B3GALT1: variants seen among roughly 807,000 people sequenced by gnomAD.
B3GALT1 encodes UDP-Gal:betaGlcNAc beta 1,3-galactosyltransferase, polypeptide 1.
A neutral mutation model predicts 23.2 loss-of-function variants in B3GALT1; 10 were observed. The ratio of observed to expected loss-of-function variants is 0.43; its 90% CI spans 0.27 to 0.73. The LOEUF (loss-of-function observed/expected upper bound fraction) is 0.73. B3GALT1 is among the 30% of genes least tolerant of loss of function. B3GALT1 has a pLI of 0.21. For missense variants in B3GALT1, 299 were observed against 405.4 expected, an observed-to-expected ratio of 0.74 and a Z score of 2.25; for synonymous variants, 156 against 141.5, an observed-to-expected ratio of 1.10 and a Z score of -0.73.
intron 2 of B3GALT1, among the ~76,000 whole-genome samples, chr2:167,542,183 T>C (rs187316863): frequency 1.6e-4 from 24 of 152,266 alleles, no homozygotes; most frequent in Admixed American, 1.5e-3. Flanking sequence ...TAAGATGATT[T>C]TTCTGCCTGA....
intron 3 of B3GALT1, among the ~76,000 whole-genome samples, chr2:167,799,842 C>T (rs836678): frequency 0.24 from 36,696 of 151,744 alleles, 5,288 homozygotes; most frequent in African/African-American, 0.38. Flanking sequence ...TAAAGGGCAA[C>T]CTAATTACTT....
intron 1 of B3GALT1, among the ~76,000 whole-genome samples, chr2:167,440,168 C>T (rs1698856577): frequency 1.3e-5 from 2 of 151,262 alleles, no homozygotes; most frequent in African/African-American, 2.4e-5. Context: ...ATGGTGAAAC[C>T]CCATCTCTAC....
chr2:167,816,826 T>C (rs1012170207), intron 3 of B3GALT1, among the ~76,000 whole-genome samples: 1 of 152,242 alleles, frequency 6.6e-6, no homozygotes, highest in Non-Finnish European at 1.5e-5. Context: ...TAGTAAGTGC[T>C]ATATGCACTT....
At chr2:167,596,363 A>C (rs1684773797) in intron 2 of B3GALT1, among the ~76,000 whole-genome samples, 1 of 152,194 alleles carries the variant, frequency 6.6e-6, no homozygotes, top group African/African-American at 2.4e-5. Context: ...TGAGTGAAAA[A>C]GAGAGGCAGT....
intron 3 of B3GALT1, among the ~76,000 whole-genome samples, chr2:167,674,534 A>G (rs1686389429): frequency 6.6e-6 from 1 of 152,230 alleles, no homozygotes; most frequent in South Asian, 2.1e-4. Context: ...CTTTTCTCAA[A>G]GAATAACAAG....
chr2:167,604,747 C>T (rs552282386), intron 2 of B3GALT1, among the ~76,000 whole-genome samples: 133 of 152,232 alleles, frequency 8.7e-4, no homozygotes, highest in African/African-American at 3.1e-3. Flanking sequence ...AGGAAGCCTA[C>T]ACAGGCAGGA....
intron 2 of B3GALT1, among the ~76,000 whole-genome samples, chr2:167,535,517 G>C (rs746615443): frequency 2.0e-5 from 3 of 151,954 alleles, no homozygotes; most frequent in Non-Finnish European, 4.4e-5. Flanking sequence ...GTATTATACT[G>C]GCATGCCTTG....
intron 2 of B3GALT1, among the ~76,000 whole-genome samples, chr2:167,631,237 GA>G (rs1448272312): frequency 6.6e-6 from 1 of 151,850 alleles, no homozygotes; most frequent in East Asian, 1.9e-4. Flanking sequence ...TGAAACCAAT[GA>G]TTCTGTGCAG....
At chr2:167,512,532 G>GTGTATATATATGTATATATA (rs1700022740) in intron 2 of B3GALT1, among the ~76,000 whole-genome samples, 1 of 118,168 alleles carries the variant, frequency 8.5e-6, no homozygotes, top group African/African-American at 4.1e-5. Context: ...ATATGTGTGT[G>GTGTATATATATGTATATATA]TGTATATATA....
intron 1 of B3GALT1, among the ~76,000 whole-genome samples, chr2:167,319,980 T>G (rs188817972): frequency 2.6e-5 from 4 of 152,206 alleles, no homozygotes; most frequent in Admixed American, 2.6e-4. Flanking sequence ...TCAGGTTTCT[T>G]ATGCTAGAAG....
intron 3 of B3GALT1, among the ~76,000 whole-genome samples, chr2:167,678,008 C>T (rs1481949804): frequency 1.3e-5 from 2 of 152,172 alleles, no homozygotes; most frequent in South Asian, 2.1e-4. Context: ...GGAGGTCCCT[C>T]CCCCAACACG....
At chr2:167,297,160 T>C (rs1436116973) in intron 1 of B3GALT1, among the ~76,000 whole-genome samples, 1 of 151,680 alleles carries the variant, frequency 6.6e-6, no homozygotes, top group Non-Finnish European at 1.5e-5. Context: ...ATTATAATAT[T>C]TTCAGAGGAA....
intron 3 of B3GALT1, among the ~76,000 whole-genome samples, chr2:167,664,142 G>A (rs1291780743): frequency 1.3e-5 from 2 of 150,088 alleles, no homozygotes; most frequent in Non-Finnish European, 3.0e-5. Flanking sequence ...TTTTGTATAA[G>A]GTGTAAGGAA....
intron 3 of B3GALT1, among the ~76,000 whole-genome samples, chr2:167,806,332 T>C (rs964396298): frequency 2.0e-5 from 3 of 152,166 alleles, no homozygotes; most frequent in African/African-American, 7.2e-5. Flanking sequence ...CCTTCTCCTG[T>C]CTGATTGCCC....
chr2:167,788,141 G>T (rs950437557), intron 3 of B3GALT1, among the ~76,000 whole-genome samples: 2 of 151,936 alleles, frequency 1.3e-5, no homozygotes, highest in African/African-American at 4.8e-5. Flanking sequence ...CCCTGACCAG[G>T]TCTGAGCTGG....
At chr2:167,399,112 C>T (rs1698145238) in intron 1 of B3GALT1, among the ~76,000 whole-genome samples, 1 of 152,240 alleles carries the variant, frequency 6.6e-6, no homozygotes, top group African/African-American at 2.4e-5. Flanking sequence ...ATTGAGATGC[C>T]TTGGATAGCA....
intron 2 of B3GALT1, among the ~76,000 whole-genome samples, chr2:167,626,079 G>A (rs1685337939): frequency 6.7e-6 from 1 of 150,120 alleles, no homozygotes; most frequent in Non-Finnish European, 1.5e-5. Flanking sequence ...CAGCAAAAGG[G>A]TTAGGAAAAA....
At chr2:167,511,113 G>T (rs1699997370) in intron 2 of B3GALT1, among the ~76,000 whole-genome samples, 1 of 152,148 alleles carries the variant, frequency 6.6e-6, no homozygotes, top group Non-Finnish European at 1.5e-5. Flanking sequence ...GTTTGTTGTA[G>T]TGTTTGTTTT....
intron 2 of B3GALT1, among the ~76,000 whole-genome samples, chr2:167,546,111 G>A (rs1439223377): frequency 6.6e-6 from 1 of 152,068 alleles, no homozygotes; most frequent in Non-Finnish European, 1.5e-5. Context: ...TTGGAGTTTG[G>A]GATAAGGTTT....
Sources: gnomAD v4.1 joint callset for allele counts (sites outside exome capture counted in the v4.1 genomes callset) on GRCh38, gnomAD v4.1.1 for gene constraint, MANE v1.5 for transcripts, NCBI Gene and HGNC (gene_info 2026-07-23, HGNC 2026-07-21) for gene names.